The following TFDP1 variants were observed in gnomAD, a reference collection of about 807,000 sequenced individuals.
TFDP1 encodes transcription factor Dp-1, also known as DRTF1-polypeptide 1.
Under a neutral mutation model 48.0 loss-of-function variants are expected in TFDP1, and 6 were observed. That is an observed-to-expected ratio of 0.13 (90% CI 0.07 to 0.25). The LOEUF is 0.25. Ranked by LOEUF, TFDP1 falls within the 10% of genes least tolerant of loss-of-function variation. The probability of loss-of-function intolerance (pLI) is 1.00; values close to 1 mark genes in which losing one functional copy is unlikely to be tolerated. For synonymous variants in TFDP1, 201 were observed against 211.6 expected (o/e 0.95, Z 0.44); for missense variants, 335 against 543.0 (o/e 0.62, Z 3.81).
At chr13:113,615,833 G>A (rs925323936) in intron 3 of TFDP1, among the ~76,000 whole-genome samples, 1 of 151,988 alleles carries the variant, frequency 6.6e-6, no homozygotes, top group African/African-American at 2.4e-5. Flanking sequence ...GATCGCTTGA[G>A]CCTGGGAGGT....
chr13:113,617,390 A>G (rs1389080230), intron 3 of TFDP1, among the ~76,000 whole-genome samples: 1 of 152,180 alleles, frequency 6.6e-6, no homozygotes, highest in African/African-American at 2.4e-5. Context: ...GTGTGCACAA[A>G]TGCTGCTTGC....
At chr13:113,617,132 G>C (rs4150748) in intron 3 of TFDP1, among the ~76,000 whole-genome samples, 6,922 of 152,224 alleles carry the variant, frequency 0.045, 532 homozygotes, top group African/African-American at 0.16. Flanking sequence ...CCTGCTGGAG[G>C]CCCAGCCACG....
intron 10 of TFDP1, 32 bp downstream of exon 10, chr13:113,636,732 G>A (rs200599642): frequency 1.6e-5 from 25 of 1,604,718 alleles, no homozygotes; most frequent in African/African-American, 4.0e-5. Flanking sequence ...TGGCGTGGCT[G>A]TGTGAGGAAT....
intron 4 of TFDP1, among the ~76,000 whole-genome samples, chr13:113,630,281 T>G (rs2049300989): frequency 6.6e-6 from 1 of 152,210 alleles, no homozygotes; most frequent in South Asian, 2.1e-4. Flanking sequence ...TTGTTTGATT[T>G]CATGGCCTGG....
At position 113,627,333 on chromosome 13, in the gene TFDP1, G is replaced by A. The variant is rs2049207143; in HGVS notation, c.186+4047G>A. Reference sequence around the variant, plus strand: ...CGCACAGGAACGTGTGCGGGACAGAGGACATATGTGCTCAGCCGGCAGGAG... The same window carrying A: ...CGCACAGGAACGTGTGCGGGACAGAAGACATATGTGCTCAGCCGGCAGGAG... On this transcript the variant is annotated intron_variant, in intron 4 of 11. Transcript: ENST00000375370. The surrounding 1 kb of genome is among the most constrained non-coding windows in gnomAD (Gnocchi z 4.1). Among the ~76,000 whole-genome samples, 1 of 152,192 alleles carries A rather than the reference G, an allele frequency of 6.6e-6. No individual in the cohort carries two copies. The highest frequency in any genetic ancestry group is 2.1e-4 in the South Asian group (1 of 4,832).
At chr13:113,613,719 G>GT (rs2048773568) in intron 3 of TFDP1, among the ~76,000 whole-genome samples, 1 of 130,694 alleles carries the variant, frequency 7.7e-6, no homozygotes, top group Non-Finnish European at 1.6e-5. Flanking sequence ...GGGTATGTGA[G>GT]GAGTGTGTGC....
rs1456593362 is a variant in TFDP1 at position 113,640,849 on chromosome 13, C to A, written c.*582C>A. 6.5e-6 allele frequency: 1 copy of A among 154,230 alleles called. No homozygotes were observed. Among genetic ancestry groups the A allele is most frequent in the African/African-American group, 2.4e-5 (1 of 41,448 alleles). 9.6% of individuals were successfully genotyped at this position (154,230 alleles called of 1,614,324 possible). A position where few individuals can be genotyped will look rare whatever the true frequency, so the allele number is the denominator to read the frequency against. ...TTTATTGTCCCTTAAATTATATTGA[C>A]TGTTGTGATTCCATCAAGTTTGTAC... On this transcript the variant is annotated 3_prime_UTR_variant, in exon 12 of 12. Coordinates refer to ENST00000375370, the MANE Select transcript of TFDP1 (RefSeq NM_007111.5).
chr13:113,613,257 G>A (rs1282246583), intron 3 of TFDP1, among the ~76,000 whole-genome samples: 1 of 152,302 alleles, frequency 6.6e-6, no homozygotes, highest in African/African-American at 2.4e-5. Context: ...ATCATGATCC[G>A]CCCACCTTGG....
At chr13:113,589,951 G>A (rs1438882919) in intron 2 of TFDP1, among the ~76,000 whole-genome samples, 1 of 152,228 alleles carries the variant, frequency 6.6e-6, no homozygotes, top group African/African-American at 2.4e-5. Context: ...CCAGTGTCAT[G>A]AAAGTTTGTA....
At chr13:113,631,769 A>G (rs750445704) in intron 5 of TFDP1, 25 bp downstream of exon 5, 1 of 1,612,502 alleles carries the variant, frequency 6.2e-7, no homozygotes, top group African/African-American at 1.3e-5. Flanking sequence ...CTGGACCCTT[A>G]GAGTTGTAGG....
chr13:113,595,885 A>T lies in TFDP1; in HGVS notation c.12+10036A>T, dbSNP rs935465986. 5.6e-4 allele frequency among the ~76,000 whole-genome samples: 85 copies of T among 152,344 alleles called. 1 individual carries two copies. Among genetic ancestry groups the T allele is most frequent in the African/African-American group, 1.9e-3 (77 of 41,574 alleles). ...ATCACAAGGTCAGGATATCGAGACC[A>T]TCCTGGCTAACATGGTGAAACCCCG... On this transcript the variant is annotated intron_variant, in intron 2 of 11. Transcript: ENST00000375370.
chr13:113,603,510 T>C (rs1219758783), intron 2 of TFDP1, among the ~76,000 whole-genome samples: 1 of 152,254 alleles, frequency 6.6e-6, no homozygotes, highest in South Asian at 2.1e-4. Context: ...GTAGACCCTG[T>C]CACAGAGTGG....
intron 2 of TFDP1, among the ~76,000 whole-genome samples, chr13:113,591,027 A>G (rs1043160939): frequency 1.1e-4 from 14 of 129,868 alleles, no homozygotes; most frequent in East Asian, 5.4e-4. Flanking sequence ...AAAAAAAAAA[A>G]AAAGAAAAAG....
chr13:113,614,219 TGTGTGTGC>T lies in TFDP1; in HGVS notation c.79+3165_79+3172del, dbSNP rs941660592. Among the ~76,000 whole-genome samples, 77 of 151,100 alleles carry T rather than the reference TGTGTGTGC, an allele frequency of 5.1e-4. 1 individual carries two copies. Among genetic ancestry groups the T allele is most frequent in the Non-Finnish European group, 8.9e-5 (6 of 67,764 alleles). On this transcript the variant is annotated intron_variant, in intron 3 of 11. Coordinates refer to ENST00000375370, the MANE Select transcript of TFDP1 (RefSeq NM_007111.5). ...TGTGTTGTGTGCGAGTTGAGTATGA[TGTGTGTGC>T]GTGTGTGAGTTGAGTGTGAGTTCTG... is the stretch of plus-strand genomic sequence containing the variant.
chr13:113,600,581 AACCCAGG>A (rs1175548377), intron 2 of TFDP1, among the ~76,000 whole-genome samples: 2 of 139,354 alleles, frequency 1.4e-5, no homozygotes, highest in African/African-American at 2.7e-5. Context: ...TGCAAGAGAG[AACCCAGG>A]ACCCAGGACC....
At chr13:113,595,179 G>C (rs1212997901) in intron 2 of TFDP1, among the ~76,000 whole-genome samples, 2 of 152,190 alleles carry the variant, frequency 1.3e-5, no homozygotes, top group Admixed American at 6.5e-5. Context: ...TTAAAAAAAA[G>C]ACGCTGTACC....
At position 113,594,307 on chromosome 13, in the gene TFDP1, G is replaced by A. The variant is rs1009391855; in HGVS notation, c.12+8458G>A. Among the ~76,000 whole-genome samples the A allele has an allele frequency of 1.0e-3, 158 of 151,444 alleles. 1 individual carries two copies. The highest frequency in any genetic ancestry group is 0.01 in the Admixed American group (157 of 15,216). ...CCAGGTGGCAGGTGTCCTGTGTGTG[G>A]GTCCTCACCCTGCCCAGGTGACAGG... On this transcript the variant is annotated intron_variant, in intron 2 of 11. Transcript: ENST00000375370.
intron 2 of TFDP1, among the ~76,000 whole-genome samples, chr13:113,604,178 A>G (rs2048507396): frequency 1.3e-5 from 2 of 150,248 alleles, no homozygotes; most frequent in Non-Finnish European, 1.5e-5. Context: ...AAAAAAAAAA[A>G]GGCAAATTAA....
chr13:113,626,060 T>C (rs941115592), intron 4 of TFDP1, among the ~76,000 whole-genome samples: 277 of 140,002 alleles, frequency 2.0e-3, no homozygotes, highest in East Asian at 2.8e-3. Context: ...GTCTCTCACA[T>C]GTCCTCAGGT....
Sources: allele counts gnomAD v4.1 joint callset (sites outside exome capture counted in the v4.1 genomes callset), GRCh38; gene constraint gnomAD v4.1.1; non-coding constraint Gnocchi (gnomAD v3.1); transcripts MANE v1.5; gene names NCBI Gene and HGNC (gene_info 2026-07-23, HGNC 2026-07-21).